Variants in ZNF804B observed in about 807,000 individuals in gnomAD.
The protein encoded by ZNF804B is zinc finger 804B.
Under a neutral mutation model 101.4 loss-of-function variants are expected in ZNF804B, and 80 were observed. That is an observed-to-expected ratio of 0.79 (90% CI 0.66 to 0.95). The LOEUF is 0.95. ZNF804B is among the 40% of genes least tolerant of loss of function. The pLI, the probability that ZNF804B is intolerant of heterozygous loss-of-function variation, is 0.00. For missense variants in ZNF804B, 1,673 were observed against 1,561.9 expected, an observed-to-expected ratio of 1.07 and a Z score of -1.20; for synonymous variants, 622 against 558.8, an observed-to-expected ratio of 1.11 and a Z score of -1.59.
chr7:88,978,644 GT>G (rs965210521), intron 1 of ZNF804B, among the ~76,000 whole-genome samples: 5 of 148,648 alleles, frequency 3.4e-5, no homozygotes, highest in African/African-American at 7.4e-5. Context: ...ATTTGCTCTT[GT>G]TTTTTTTTAA....
rs986898951 is a variant in ZNF804B at position 89,206,151 on chromosome 7, C to T, written c.109-12004C>T. ...CAAGACACCAAGTCCCAAGACTGCA[C>T]ACTGGAAGAGGGGCTTGGGCCCGGC... is the stretch of plus-strand genomic sequence containing the variant. On this transcript the variant is annotated intron_variant, in intron 1 of 3. Coordinates refer to ENST00000333190, the MANE Select transcript of ZNF804B (RefSeq NM_181646.5). Among the ~76,000 whole-genome samples the T allele has an allele frequency of 4.6e-5, 7 of 152,336 alleles. No individual in the cohort carries two copies. The East Asian group carries it at 1.4e-3, about 29-fold the overall frequency.
At chr7:89,333,208 G>A (rs1791013534) in intron 3 of ZNF804B, among the ~76,000 whole-genome samples, 155 bp from the exon 4 acceptor site, 1 of 151,916 alleles carries the variant, frequency 6.6e-6, no homozygotes, top group South Asian at 2.1e-4. Flanking sequence ...TACAATTTAT[G>A]CTAAGCTATA....
chr7:89,023,173 A>T (rs1221257815), intron 1 of ZNF804B, among the ~76,000 whole-genome samples: 1 of 152,148 alleles, frequency 6.6e-6, no homozygotes, highest in East Asian at 1.9e-4. Flanking sequence ...GGTGGTGGCC[A>T]CTCTAGATAT....
At chr7:88,768,784 C>T (rs1163185491) in intron 1 of ZNF804B, among the ~76,000 whole-genome samples, 2 of 152,104 alleles carry the variant, frequency 1.3e-5, no homozygotes, top group African/African-American at 4.8e-5. Flanking sequence ...ATATATTATA[C>T]CTAAATGTAT....
At chr7:89,018,475 A>C (rs1404391723) in intron 1 of ZNF804B, among the ~76,000 whole-genome samples, 2 of 67,734 alleles carry the variant, frequency 3.0e-5, no homozygotes, top group African/African-American at 1.9e-4. Context: ...GTTTTTATGG[A>C]GTTTTTTTGT....
At chr7:88,781,363 T>TG (rs1001865283) in intron 1 of ZNF804B, among the ~76,000 whole-genome samples, 3 of 152,194 alleles carry the variant, frequency 2.0e-5, no homozygotes. Context: ...GGACTTACCC[T>TG]GGGCTTTGAC....
intron 2 of ZNF804B, among the ~76,000 whole-genome samples, chr7:89,252,733 C>A (rs925852601): frequency 2.0e-5 from 3 of 152,156 alleles, no homozygotes; most frequent in African/African-American, 7.2e-5. Context: ...TTCTTTGCAG[C>A]AACATGAATG....
intron 1 of ZNF804B, among the ~76,000 whole-genome samples, chr7:89,129,408 A>G (rs1476603662): frequency 6.6e-6 from 1 of 152,048 alleles, no homozygotes; most frequent in Non-Finnish European, 1.5e-5. Flanking sequence ...TCTTTAAACC[A>G]CAAAGTACAA....
intron 1 of ZNF804B, among the ~76,000 whole-genome samples, chr7:89,116,217 G>T (rs926771911): frequency 6.6e-6 from 1 of 151,950 alleles, no homozygotes; most frequent in African/African-American, 2.4e-5. Context: ...CCAAGCCACG[G>T]TTTTTGTTTT....
intron 1 of ZNF804B, among the ~76,000 whole-genome samples, chr7:88,829,517 C>G (rs1791100415): frequency 6.6e-6 from 1 of 151,620 alleles, no homozygotes. Context: ...ATCGTTTTAG[C>G]CAGAATTTGA....
rs571790885 is a variant in ZNF804B at position 89,327,217 on chromosome 7, T to C, written c.250-127T>C. On this transcript the variant is annotated intron_variant, in intron 2 of 3. Coordinates refer to ENST00000333190, the MANE Select transcript of ZNF804B (RefSeq NM_181646.5). ...CAGAGAATAGCAACAATGGAGAAGA[T>C]ACTTTTACTCTTTCTGCCCAGAAAG... is the stretch of plus-strand genomic sequence containing the variant. 11 of 794,748 alleles carry C rather than the reference T, an allele frequency of 1.4e-5. No individual in the cohort carries two copies. The South Asian group carries it at 1.9e-4, about 14-fold the overall frequency. 49.2% of individuals were successfully genotyped at this position (794,748 alleles called of 1,614,324 possible).
intron 1 of ZNF804B, among the ~76,000 whole-genome samples, chr7:89,107,682 C>CGATGAATCTG (rs1196960855): frequency 6.6e-6 from 1 of 152,016 alleles, no homozygotes; most frequent in African/African-American, 2.4e-5. Flanking sequence ...TTCCTTTACC[C>CGATGAATCTG]GATGAATCTG....
At chr7:88,794,818 A>C (rs1330508135) in intron 1 of ZNF804B, 1 of 1,613,774 alleles carries the variant, frequency 6.2e-7, no homozygotes. Context: ...GAATTTCTTT[A>C]GGTGTAGTCG....
At chr7:89,054,564 A>G (rs1486849883) in intron 1 of ZNF804B, among the ~76,000 whole-genome samples, 1 of 152,016 alleles carries the variant, frequency 6.6e-6, no homozygotes, top group African/African-American at 2.4e-5. Flanking sequence ...GGAAAGAGGA[A>G]CAAGAAGTAG....
chr7:88,923,551 T>A (rs1156727025), intron 1 of ZNF804B, among the ~76,000 whole-genome samples: 1 of 152,132 alleles, frequency 6.6e-6, no homozygotes, highest in African/African-American at 2.4e-5. Flanking sequence ...ACCCTAGTTA[T>A]ATGATGCTGT....
intron 2 of ZNF804B, among the ~76,000 whole-genome samples, chr7:89,228,567 G>A (rs1789133145): frequency 6.6e-6 from 1 of 152,148 alleles, no homozygotes; most frequent in Admixed American, 6.5e-5. Flanking sequence ...CAAACCCTGA[G>A]CTAGACACAG....
At chr7:88,974,878 T>C (rs1044986226) in intron 1 of ZNF804B, among the ~76,000 whole-genome samples, 2 of 151,350 alleles carry the variant, frequency 1.3e-5, no homozygotes, top group African/African-American at 4.8e-5. Flanking sequence ...GTACTGGATC[T>C]TTTTCTTTCT....
chr7:88,972,705 G>A (rs374925623), intron 1 of ZNF804B, among the ~76,000 whole-genome samples: 8 of 151,142 alleles, frequency 5.3e-5, no homozygotes, highest in African/African-American at 1.9e-4. Flanking sequence ...AATATAGTTA[G>A]GAGTGATAAT....
Position 88,865,403 on chromosome 7 carries a change from G to A in ZNF804B, c.108+105319G>A, listed in dbSNP as rs576709246. On this transcript the variant is annotated intron_variant, in intron 1 of 3. Transcript: ENST00000333190. ...AAAAATTAGCTGGGCATGGTGGTAT[G>A]CACCTGTGGTCCCAGCTACTCCTGA... Among the ~76,000 whole-genome samples the A allele has an allele frequency of 3.9e-5, 6 of 152,054 alleles. No homozygotes were observed. The South Asian group carries it at 1.2e-3, about 32-fold the overall frequency.
Sources: gnomAD v4.1 joint callset for allele counts (sites outside exome capture counted in the v4.1 genomes callset) on GRCh38, gnomAD v4.1.1 for gene constraint, MANE v1.5 for transcripts, NCBI Gene and HGNC (gene_info 2026-07-23, HGNC 2026-07-21) for gene names.